JMJD1C: variants seen among roughly 807,000 people sequenced by gnomAD.
JMJD1C encodes jumonji domain containing 1C, also known as jumonji domain-containing protein 1C.
In JMJD1C, 31 loss-of-function variants were observed where a neutral mutation model predicts 245.3. That is an observed-to-expected ratio of 0.13 (90% CI 0.09 to 0.17). The LOEUF (loss-of-function observed/expected upper bound fraction) is 0.17, where lower values mean the gene tolerates loss of function less well. Ranked by LOEUF, JMJD1C falls within the 10% of genes least tolerant of loss-of-function variation. The pLI, the probability that JMJD1C is intolerant of heterozygous loss-of-function variation, is 1.00. For missense variants in JMJD1C, 2,691 were observed against 3,000.2 expected (o/e 0.90, Z 2.41); for synonymous variants, 1,057 against 1,017.4 (o/e 1.04, Z -0.74).
chr10:63,319,733 A>G (rs1325553441), intron 2 of JMJD1C, among the ~76,000 whole-genome samples: 11 of 152,106 alleles, frequency 7.2e-5, no homozygotes, highest in Admixed American at 6.6e-4. Context: ...TTGTTCTTCA[A>G]ATAGATCAAT....
At chr10:63,510,758 C>G (rs1314251893) in intron 1 of JMJD1C, among the ~76,000 whole-genome samples, 1 of 152,146 alleles carries the variant, frequency 6.6e-6, no homozygotes, top group East Asian at 1.9e-4. Flanking sequence ...TTTTTGTCTA[C>G]TGGAGTTGTC....
intron 20 of JMJD1C, among the ~76,000 whole-genome samples, chr10:63,185,337 G>A (rs776770471): frequency 1.3e-5 from 2 of 151,832 alleles, no homozygotes; most frequent in African/African-American, 2.4e-5. Flanking sequence ...TTGTCATGTT[G>A]GCCAGACTGA....
chr10:63,444,558 G>A (rs1009746261), intron 1 of JMJD1C, among the ~76,000 whole-genome samples: 5 of 151,796 alleles, frequency 3.3e-5, no homozygotes, highest in African/African-American at 9.7e-5. Flanking sequence ...ACAGGCGTGC[G>A]CCTCCGTACC....
At chr10:63,376,035 A>C (rs1946713391) in intron 2 of JMJD1C, among the ~76,000 whole-genome samples, 1 of 152,226 alleles carries the variant, frequency 6.6e-6, no homozygotes, top group African/African-American at 2.4e-5. Context: ...TGATTTCACA[A>C]TGTACTACAA....
At chr10:63,179,083 A>G (rs1240909260) in intron 22 of JMJD1C, among the ~76,000 whole-genome samples, 1 of 152,176 alleles carries the variant, frequency 6.6e-6, no homozygotes, top group Non-Finnish European at 1.5e-5. Context: ...AGGATAAGGA[A>G]TCAACTTAAG....
intron 1 of JMJD1C, among the ~76,000 whole-genome samples, chr10:63,404,611 G>A (rs1949065382): frequency 6.6e-6 from 1 of 152,004 alleles, no homozygotes; most frequent in African/African-American, 2.4e-5. Flanking sequence ...TATGAAAAAA[G>A]AAGAAAAATG....
intron 1 of JMJD1C, among the ~76,000 whole-genome samples, chr10:63,483,970 TTA>T (rs1275151820): frequency 6.6e-6 from 1 of 152,202 alleles, no homozygotes; most frequent in Non-Finnish European, 1.5e-5. Context: ...TTAGCATGAA[TTA>T]TATCATTTAG....
chr10:63,187,436 T>C (rs939804114), intron 18 of JMJD1C, among the ~76,000 whole-genome samples: 2 of 152,182 alleles, frequency 1.3e-5, no homozygotes, highest in African/African-American at 2.4e-5. Flanking sequence ...GCTATCACCA[T>C]GATCTTTTTA....
chr10:63,240,252 A>T (rs965658174), intron 3 of JMJD1C, among the ~76,000 whole-genome samples: 18 of 152,162 alleles, frequency 1.2e-4, no homozygotes, highest in Admixed American at 1.2e-3. Context: ...AAAACCAAAA[A>T]GGAACACTAC....
chr10:63,208,883 T>G (rs1321802239), intron 9 of JMJD1C, 82 bp from the exon 10 acceptor site: 1 of 1,198,772 alleles, frequency 8.3e-7, no homozygotes, highest in Non-Finnish European at 1.2e-6. Flanking sequence ...TATCATTCTA[T>G]TATGAAAGTA....
chr10:63,484,929 G>C (rs983189941), intron 1 of JMJD1C, among the ~76,000 whole-genome samples: 1 of 151,672 alleles, frequency 6.6e-6, no homozygotes, highest in Non-Finnish European at 1.5e-5. Flanking sequence ...AAGGACACTA[G>C]AGCAAGCTAG....
intron 22 of JMJD1C, among the ~76,000 whole-genome samples, chr10:63,182,109 G>A (rs895617062): frequency 5.9e-5 from 9 of 152,146 alleles, no homozygotes; most frequent in African/African-American, 2.2e-4. Flanking sequence ...CATGTCCCCA[G>A]CACCTAGCCA....
chr10:63,203,455 C>A (rs1324047661), intron 10 of JMJD1C: 3 of 985,150 alleles, frequency 3.0e-6, no homozygotes, highest in African/African-American at 1.7e-5. Context: ...ACTTGCCAAA[C>A]ATTAATCTCT....
chr10:63,377,988 TATATATATA>T (rs761689910), intron 2 of JMJD1C, among the ~76,000 whole-genome samples: 381 of 148,880 alleles, frequency 2.6e-3, no homozygotes, highest in Non-Finnish European at 3.9e-3. Flanking sequence ...TATATATTAG[TATATATATA>T]ATATATATGA....
In JMJD1C at chr10:63,185,575, A is replaced by G. The variant is rs1177153983; in HGVS notation, c.6818T>C (p.Met2273Thr). The change falls in exon 20 of 26, where the codon ATG becomes ACG. Residue 2273 changes from methionine (M) to threonine (T), a missense_variant. Met to Thr is a moderately conservative substitution (Grantham distance 81). Around this residue, in one of 9 missense-constraint regions of JMJD1C, gnomAD observed 232 missense variants for 416.1 expected, o/e 0.56. Coordinates refer to ENST00000399262, the MANE Select transcript of JMJD1C (RefSeq NM_032776.3). ...DWPSGEDFKT[M>T]MPARYEDLLK... ...AAAAGTTTCAAACCTTGCTGGCATC[A>G]TAGTCTTGAAGTCTTCTCCTGAAGG... 4 of 1,591,580 alleles carry G rather than the reference A, an allele frequency of 2.5e-6. No homozygotes were observed. Among genetic ancestry groups the G allele is most frequent in the African/African-American group, 1.3e-5 (1 of 74,764 alleles).
chr10:63,357,822 GACAGAC>G (rs1469875674), intron 2 of JMJD1C, among the ~76,000 whole-genome samples: 68 of 70,804 alleles, frequency 9.6e-4, no homozygotes, highest in African/African-American at 1.5e-3. Flanking sequence ...GACACAGACA[GACAGAC>G]ACACACACAC....
chr10:63,178,107 ATTGT>A (rs1843031101), intron 22 of JMJD1C, among the ~76,000 whole-genome samples: 1 of 152,056 alleles, frequency 6.6e-6, no homozygotes, highest in South Asian at 2.1e-4. Context: ...CACCCGACTA[ATTGT>A]TTGTATTTTA....
intron 2 of JMJD1C, among the ~76,000 whole-genome samples, chr10:63,340,184 TCA>T (rs1368482422): frequency 2.0e-5 from 3 of 152,120 alleles, no homozygotes; most frequent in Non-Finnish European, 4.4e-5. Context: ...ATGTGACAAT[TCA>T]CAGACAAAAT....
chr10:63,404,632 T>C (rs1181949380), intron 1 of JMJD1C, among the ~76,000 whole-genome samples: 1 of 152,114 alleles, frequency 6.6e-6, no homozygotes, highest in Non-Finnish European at 1.5e-5. Flanking sequence ...AAATTTATGA[T>C]TGGAATATAG....
Sources: gnomAD v4.1 joint callset for allele counts (sites outside exome capture counted in the v4.1 genomes callset) on GRCh38, gnomAD v4.1.1 for gene constraint, gnomAD v4.1.1 regional missense constraint, MANE v1.5 for transcripts, NCBI Gene and HGNC (gene_info 2026-07-23, HGNC 2026-07-21) for gene names.